The following HEATR1 variants were observed in gnomAD, a reference collection of about 807,000 sequenced individuals.
HEATR1 encodes the protein HEAT repeat-containing protein 1.
A neutral mutation model predicts 248.2 loss-of-function variants in HEATR1; 77 were observed. The ratio of observed to expected loss-of-function variants is 0.31; its 90% CI spans 0.26 to 0.37. HEATR1 has a LOEUF of 0.37. Among genes scored for constraint, HEATR1 ranks in the 10% least tolerant of loss-of-function variants. The probability of loss-of-function intolerance (pLI) is 1.00; values close to 1 mark genes in which losing one functional copy is unlikely to be tolerated. For synonymous variants in HEATR1, 897 were observed against 923.1 expected, an observed-to-expected ratio of 0.97 and a Z score of 0.51; for missense variants, 2,420 against 2,504.9, an observed-to-expected ratio of 0.97 and a Z score of 0.72.
Position 236,556,151 on chromosome 1 carries a change from G to T in HEATR1, c.5463C>A (p.Val1821=), listed in dbSNP as rs145679327. The change falls in exon 38 of 45, where the codon GTC becomes GTA. Residue 1821 remains valine, a synonymous_variant. Transcript: ENST00000366582. ...AAGTTTTTTTGATGGCGGGCAACAG[G>T]ACTCGGGGTGCAAGTGTGGTAGCCA... ...KTLATTLAPR[V]LLPAIKKTYK... is the part of the protein sequence containing the mutation. 1 of 1,614,056 alleles carries T rather than the reference G, an allele frequency of 6.2e-7. No homozygotes were observed. Among genetic ancestry groups the T allele is most frequent in the Admixed American group, 1.7e-5 (1 of 59,998 alleles).
Position 236,566,758 on chromosome 1 carries a change from A to T in HEATR1, c.4196T>A (p.Leu1399His), listed in dbSNP as rs1392021037. 2 of 1,614,176 alleles carry T rather than the reference A, an allele frequency of 1.2e-6. No individual in the cohort carries two copies. The highest frequency in any genetic ancestry group is 2.7e-5 in the African/African-American group (2 of 75,058). Residue 1399 changes from leucine to histidine, a missense_variant, in exon 30 of 45, where the codon CTT (leucine) becomes CAT (histidine). Transcript: ENST00000366582. ...ACCCAGTGTATCAACAAGTTGAACA[A>T]GGATGGGCAGGCGCCTGTGCTCCGG... ...HVPEHRRLPI[L>H]VQLVDTLGAE...
At position 236,576,885 on chromosome 1, in the gene HEATR1, C is replaced by G. The variant is rs766233566; in HGVS notation, c.2820G>C (p.Gln940His). The change falls in exon 21 of 45, where the codon CAG (glutamine) becomes CAC (histidine). Residue 940 changes from glutamine (Q) to histidine (H), a missense_variant. Transcript: ENST00000366582. ...CCACTCCACTGAGGGCCTGGAGACA[C>G]TGAATGGCAGCCCTACGAACTTCTT... ...PVKEVRRAAI[Q>H]CLQALSGVAS... 6.2e-7 allele frequency: 1 copy of G among 1,613,894 alleles called. No individual in the cohort carries two copies. The highest frequency in any genetic ancestry group is 2.2e-5 in the East Asian group (1 of 44,870).
intron 12 of HEATR1, among the ~76,000 whole-genome samples, chr1:236,590,172 T>G (rs900972548): frequency 3.3e-5 from 5 of 152,288 alleles, no homozygotes; most frequent in African/African-American, 1.2e-4. Flanking sequence ...TGTTCAAAAG[T>G]TATCATTCAA....
chr1:236,580,078 A>G (rs766896391), intron 20 of HEATR1, among the ~76,000 whole-genome samples: 1 of 152,164 alleles, frequency 6.6e-6, no homozygotes, highest in African/African-American at 2.4e-5. Flanking sequence ...ATCTTCAACC[A>G]TTCTTCTCTG....
At chr1:236,572,007 T>TACAC (rs762042200) in intron 26 of HEATR1, among the ~76,000 whole-genome samples, 4 of 152,030 alleles carry the variant, frequency 2.6e-5, no homozygotes, top group African/African-American at 7.2e-5. Context: ...ATACTCAATT[T>TACAC]ACACACACAC....
At chr1:236,562,480 G>A (rs748046926) in intron 32 of HEATR1, among the ~76,000 whole-genome samples, 2 of 152,132 alleles carry the variant, frequency 1.3e-5, no homozygotes, top group Non-Finnish European at 2.9e-5. Context: ...GCCAGGGCCA[G>A]CACTTGGACC....
At chr1:236,580,543 G>A (rs1663693894) in intron 20 of HEATR1, among the ~76,000 whole-genome samples, 1 of 138,676 alleles carries the variant, frequency 7.2e-6, no homozygotes, top group African/African-American at 2.6e-5. Flanking sequence ...TTGAGACAGG[G>A]TCTTGCTCTG....
chr1:236,566,781 C>T lies in HEATR1; in HGVS notation c.4173G>A (p.Pro1391=), dbSNP rs147279695. Residue 1391 remains proline (P), a synonymous_variant, in exon 30 of 45, where the codon CCG becomes CCA. Transcript: ENST00000366582. The part of the protein sequence containing the change: ...SVFVDALPHV[P]EHRRLPILVQ... ...CAAGGATGGGCAGGCGCCTGTGCTC[C>T]GGGACGTGTGGCAGCGCATCCACAA... 2.9e-4 allele frequency: 465 copies of T among 1,614,044 alleles called. No homozygotes were observed. The highest frequency in any genetic ancestry group is 2.8e-3 in the Middle Eastern group (17 of 6,060).
chr1:236,599,596 T>G lies in HEATR1; in HGVS notation c.388A>C (p.Ser130Arg). ...TATGGCAGAACACAAGCAATGAGGC[T>G]ATCTTGATTATAGAGATGTATATGG... ...RFHIHLYNQD[S>R]LIACVLPYHE... The change falls in exon 4 of 45, where the codon AGC becomes CGC. Residue 130 changes from serine to arginine, a missense_variant. Coordinates refer to ENST00000366582, the MANE Select transcript of HEATR1 (RefSeq NM_018072.6). 1 of 1,613,600 alleles carries G rather than the reference T, an allele frequency of 6.2e-7. No homozygotes were observed. Among genetic ancestry groups the G allele is most frequent in the Non-Finnish European group, 8.5e-7 (1 of 1,179,714 alleles).
chr1:236,599,489 T>C lies in HEATR1; in HGVS notation c.495A>G (p.Pro165=). The C allele has an allele frequency of 1.9e-6, 3 of 1,612,040 alleles. No individual in the cohort carries two copies. The highest frequency in any genetic ancestry group is 2.2e-5 in the East Asian group (1 of 44,826). The change falls in exon 4 of 45, where the codon CCA becomes CCG. Residue 165 remains proline (P), a synonymous_variant. Coordinates refer to ENST00000366582, the MANE Select transcript of HEATR1 (RefSeq NM_018072.6). ...NSKHRWFWLL[P]VKQSGVPLAK... is the part of the protein sequence containing the mutation. Reference sequence around the variant, plus strand: ...TGTCATTCAGCAATTATACCTTAACTGGCAACAACCAGAACCATCTGTGCT... The same window carrying C: ...TGTCATTCAGCAATTATACCTTAACCGGCAACAACCAGAACCATCTGTGCT...
rs1203718161 is a variant in HEATR1, at chr1:236,587,473, G to T, written c.1644C>A (p.Phe548Leu). Residue 548 changes from phenylalanine (F) to leucine (L), a missense_variant, in exon 14 of 45, where the codon TTC becomes TTA. By Grantham distance (22) the Phe-to-Leu change is conservative. Transcript: ENST00000366582. ...ISAFEIFKEH[F>L]SSEVTISNLL... ...GATTTGAAATCGTCACTTCTGAACTGAAGTGTTCTTTGAAAATCTAAAGGG... is the reference window on the plus strand; with the variant it reads ...GATTTGAAATCGTCACTTCTGAACTTAAGTGTTCTTTGAAAATCTAAAGGG... 4 of 1,518,128 alleles carry T rather than the reference G, an allele frequency of 2.6e-6. No homozygotes were observed. The Admixed American group carries it at 5.9e-5, about 22-fold the overall frequency. 94.0% of individuals were successfully genotyped at this position (1,518,128 alleles called of 1,614,324 possible).
At chr1:236,579,633 T>G (rs976493068) in intron 20 of HEATR1, among the ~76,000 whole-genome samples, 1 of 152,188 alleles carries the variant, frequency 6.6e-6, no homozygotes, top group African/African-American at 2.4e-5. Flanking sequence ...AGTTAAAAAA[T>G]GTATAGAGTT....
intron 44 of HEATR1, 171 bp downstream of exon 44, chr1:236,551,828 A>G (rs1662760272): frequency 1.8e-6 from 1 of 568,178 alleles, no homozygotes; most frequent in African/African-American, 1.9e-5. Flanking sequence ...ACCCAACTCA[A>G]AACAGGAGCT....
At position 236,559,084 on chromosome 1, in the gene HEATR1, C is replaced by T. The variant is rs935067724; in HGVS notation, c.4822G>A (p.Val1608Met). The change falls in exon 35 of 45, where the codon GTG becomes ATG. Residue 1608 changes from valine to methionine, a missense_variant. Coordinates refer to ENST00000366582, the MANE Select transcript of HEATR1 (RefSeq NM_018072.6). Reference sequence around the variant, plus strand: ...CGAACAGATGGCAGGGGATTGCCCACCAGCCCTCTGATCACAGGAATGAAT... The same window carrying T: ...CGAACAGATGGCAGGGGATTGCCCATCAGCCCTCTGATCACAGGAATGAAT... Reference protein sequence around the residue: ...ETFIPVIRGLVGNPLPSVRRK... With the variant: ...ETFIPVIRGLMGNPLPSVRRK... The T allele has an allele frequency of 6.2e-7, 1 of 1,612,614 alleles. No homozygotes were observed.
At chr1:236,580,169 AATTCTGCATCT>A (rs1230990407) in intron 20 of HEATR1, among the ~76,000 whole-genome samples, 1 of 152,224 alleles carries the variant, frequency 6.6e-6, no homozygotes, top group Non-Finnish European at 1.5e-5. Flanking sequence ...TGTTTCATGA[AATTCTGCATCT>A]TTTGCAAAAT....
Position 236,574,645 on chromosome 1 carries a change from G to C in HEATR1, c.3327+16C>G, listed in dbSNP as rs1372378479. 6.2e-7 allele frequency: 1 copy of C among 1,605,068 alleles called. No individual in the cohort carries two copies. The highest frequency in any genetic ancestry group is 1.3e-5 in the African/African-American group (1 of 74,318). The stretch of plus-strand genomic sequence containing the variant: ...TTGAACATGCTATGCCTTAGTTTCT[G>C]AAAGAAATCACTGACCTTTTCAAGG... On this transcript the variant is annotated intron_variant, in intron 23 of 44. Coordinates refer to ENST00000366582, the MANE Select transcript of HEATR1 (RefSeq NM_018072.6).
intron 2 of HEATR1, among the ~76,000 whole-genome samples, 163 bp from the exon 3 acceptor site, chr1:236,603,539 G>C (rs921587286): frequency 2.0e-5 from 3 of 150,996 alleles, no homozygotes; most frequent in Non-Finnish European, 4.4e-5. Context: ...TCAACTTTTA[G>C]AGTAAATCCT....
chr1:236,582,377 A>G (rs1409306817), intron 19 of HEATR1, among the ~76,000 whole-genome samples: 2 of 151,144 alleles, frequency 1.3e-5, no homozygotes, highest in Non-Finnish European at 2.9e-5. Context: ...AAGTGCTCGG[A>G]TTATAGGCGT....
At chr1:236,555,171 C>A in intron 41 of HEATR1, 125 bp downstream of exon 41, 1 of 954,432 alleles carries the variant, frequency 1.0e-6, no homozygotes, top group Non-Finnish European at 1.6e-6. Context: ...AAAAAATTCA[C>A]CCTCCTTAGC....
Sources: allele counts gnomAD v4.1 joint callset (sites outside exome capture counted in the v4.1 genomes callset), GRCh38; gene constraint gnomAD v4.1.1; transcripts MANE v1.5; gene names NCBI Gene and HGNC (gene_info 2026-07-23, HGNC 2026-07-21).